SLC60A1: variants seen among roughly 807,000 people sequenced by gnomAD.
SLC60A1 encodes major facilitator superfamily domain containing 4.
the SLC60A1 span, chr1:205,602,083 A>AG: frequency 2.8e-4 from 43 of 152,346 alleles, no homozygotes; most frequent in African/African-American, 9.9e-4. Context: ...CAGCTTAGAC[A>AG]GGGATCAGTC....
chr1:205,594,427 G>A, the SLC60A1 span, among the ~76,000 whole-genome samples: 3 of 152,072 alleles, frequency 2.0e-5, no homozygotes, highest in South Asian at 2.1e-4. Flanking sequence ...AGGCTGAGGC[G>A]GGTGGATCAC....
the SLC60A1 span, chr1:205,599,687 T>C: frequency 6.3e-6 from 1 of 159,206 alleles, no homozygotes; most frequent in Non-Finnish European, 1.4e-5. Context: ...CAAATCTTTT[T>C]TTCAAAAAGA....
the SLC60A1 span, chr1:205,597,976 G>T: frequency 1.0e-6 from 1 of 994,036 alleles, no homozygotes; most frequent in Non-Finnish European, 1.6e-6. Flanking sequence ...AAAGCCAGCA[G>T]GGCCCCCTGT....
chr1:205,588,329 G>A, the SLC60A1 span, among the ~76,000 whole-genome samples: 1 of 152,156 alleles, frequency 6.6e-6, no homozygotes, highest in Non-Finnish European at 1.5e-5. Flanking sequence ...AATTAGCCGG[G>A]CGTGGTGGCG....
chr1:205,591,222 C>T, the SLC60A1 span, among the ~76,000 whole-genome samples: 1 of 152,130 alleles, frequency 6.6e-6, no homozygotes, highest in African/African-American at 2.4e-5. Flanking sequence ...GGGGCTCATG[C>T]CTGTAATCCC....
At chr1:205,585,047 A>T in the SLC60A1 span, 2 of 1,423,548 alleles carry the variant, frequency 1.4e-6, no homozygotes, top group South Asian at 2.3e-5. This position sits in a 1 kb window ranked among gnomAD's most constrained non-coding sequence, Gnocchi z 4.2. Context: ...CCCAGACTCC[A>T]GTCTGGGAAA....
the SLC60A1 span, chr1:205,595,040 T>C: frequency 6.6e-6 from 1 of 152,274 alleles, no homozygotes; most frequent in Admixed American, 6.5e-5. Context: ...AAAACAGGGC[T>C]GTGCTTACTT....
the SLC60A1 span, among the ~76,000 whole-genome samples, chr1:205,593,253 G>A: frequency 6.6e-6 from 1 of 151,874 alleles, no homozygotes; most frequent in African/African-American, 2.4e-5. Flanking sequence ...GGCGGATCAC[G>A]AGGTCAGGAG....
At chr1:205,599,395 A>G in the SLC60A1 span, 1 of 1,086,258 alleles carries the variant, frequency 9.2e-7, no homozygotes, top group Non-Finnish European at 1.3e-6. Context: ...TTATTTTTCT[A>G]CAGCTTCCTT....
chr1:205,575,439 C>G, the SLC60A1 span, among the ~76,000 whole-genome samples: 1 of 152,098 alleles, frequency 6.6e-6, no homozygotes, highest in South Asian at 2.1e-4. Context: ...TCTTCCCCAC[C>G]CCTGGGGTGG....
chr1:205,598,847 AGTG>A, the SLC60A1 span: 1 of 447,616 alleles, frequency 2.2e-6, no homozygotes, highest in South Asian at 3.3e-5. Context: ...CTGGAGCTTC[AGTG>A]ATGATAGAGA....
the SLC60A1 span, among the ~76,000 whole-genome samples, chr1:205,574,057 T>A: frequency 6.6e-6 from 1 of 152,162 alleles, no homozygotes; most frequent in Non-Finnish European, 1.5e-5. Context: ...GTAGTGATGG[T>A]TTTACAACTC....
At chr1:205,575,561 G>A in the SLC60A1 span, among the ~76,000 whole-genome samples, 2 of 152,180 alleles carry the variant, frequency 1.3e-5, no homozygotes, top group African/African-American at 4.8e-5. Context: ...AGGTGCTCAA[G>A]GCAAGGCCAG....
the SLC60A1 span, among the ~76,000 whole-genome samples, chr1:205,571,086 C>A: frequency 6.6e-6 from 1 of 152,192 alleles, no homozygotes; most frequent in African/African-American, 2.4e-5. Context: ...ATCATGGTAA[C>A]AATGATAACT....
the SLC60A1 span, chr1:205,569,067 G>A: frequency 1.4e-6 from 2 of 1,474,546 alleles, no homozygotes; most frequent in Non-Finnish European, 1.8e-6. Flanking sequence ...GTCAGCCTGC[G>A]CCATGGGCTG....
the SLC60A1 span, among the ~76,000 whole-genome samples, chr1:205,592,951 T>C: frequency 1.0e-3 from 159 of 152,276 alleles, no homozygotes; most frequent in Non-Finnish European, 2.0e-3. Flanking sequence ...CTTGTGGCTG[T>C]GGTGGATGTT....
chr1:205,590,111 A>G, the SLC60A1 span, among the ~76,000 whole-genome samples: 1 of 152,208 alleles, frequency 6.6e-6, no homozygotes, highest in Non-Finnish European at 1.5e-5. Context: ...GGGACTGACT[A>G]TATCCAAGGG....
the SLC60A1 span, among the ~76,000 whole-genome samples, chr1:205,590,401 C>A: frequency 2.6e-5 from 4 of 152,224 alleles, no homozygotes; most frequent in African/African-American, 9.6e-5. Context: ...TGAAAGAAGT[C>A]TTTTGTCTTT....
At chr1:205,572,145 ACTCT>A in the SLC60A1 span, among the ~76,000 whole-genome samples, 449 of 152,130 alleles carry the variant, frequency 3.0e-3, 4 homozygotes, top group African/African-American at 0.01. Context: ...CAGCTTGCTC[ACTCT>A]CTCAGAGAAA....
Sources: gnomAD v4.1 joint callset for allele counts (sites outside exome capture counted in the v4.1 genomes callset) on GRCh38, gnomAD v4.1.1 for gene constraint, Gnocchi (gnomAD v3.1) non-coding constraint, MANE v1.5 for transcripts, NCBI Gene and HGNC (gene_info 2026-07-23, HGNC 2026-07-21) for gene names.